The following KCNC2 variants were observed in gnomAD, a reference collection of about 807,000 sequenced individuals.
KCNC2 encodes the protein voltage-gated potassium channel KCNC2.
In KCNC2, 21 loss-of-function variants were observed where a neutral mutation model predicts 44.5. The observed-to-expected ratio is 0.47, with a 90% CI of 0.33 to 0.68. The LOEUF is 0.68. KCNC2 is among the 30% of genes least tolerant of loss of function. The probability of loss-of-function intolerance (pLI) is 0.01; values close to 1 mark genes in which losing one functional copy is unlikely to be tolerated. For missense variants in KCNC2, 589 were observed against 826.2 expected, an observed-to-expected ratio of 0.71 and a Z score of 3.52; for synonymous variants, 391 against 339.1, an observed-to-expected ratio of 1.15 and a Z score of -1.68.
intron 2 of KCNC2, among the ~76,000 whole-genome samples, chr12:75,101,196 G>T (rs1886343033): frequency 1.3e-5 from 2 of 151,992 alleles, no homozygotes; most frequent in South Asian, 4.2e-4. Context: ...TATAACCCAG[G>T]TTCCATATAT....
At chr12:75,126,644 C>T (rs1194537075) in intron 2 of KCNC2, among the ~76,000 whole-genome samples, 2 of 152,068 alleles carry the variant, frequency 1.3e-5, no homozygotes, top group Non-Finnish European at 2.9e-5. Flanking sequence ...AACAACAAGA[C>T]ATTCAGAATC....
intron 2 of KCNC2, among the ~76,000 whole-genome samples, chr12:75,155,317 G>A (rs988421405): frequency 1.3e-5 from 2 of 151,754 alleles, no homozygotes; most frequent in Non-Finnish European, 2.9e-5. Flanking sequence ...ACCTAACTCC[G>A]AGTTAGCTTT....
At chr12:75,117,878 G>A (rs1186738408) in intron 2 of KCNC2, among the ~76,000 whole-genome samples, 2 of 152,006 alleles carry the variant, frequency 1.3e-5, no homozygotes, top group Admixed American at 1.3e-4. Flanking sequence ...ATGAAGTTTG[G>A]GCATTACACA....
chr12:75,074,968 C>T (rs11180356), intron 2 of KCNC2, among the ~76,000 whole-genome samples: 5,709 of 152,072 alleles, frequency 0.038, 148 homozygotes, highest in East Asian at 0.15. Flanking sequence ...AAAGTTTTCC[C>T]GGAATAAAGA....
chr12:75,134,440 A>G (rs1889083139), intron 2 of KCNC2, among the ~76,000 whole-genome samples: 1 of 151,976 alleles, frequency 6.6e-6, no homozygotes, highest in Non-Finnish European at 1.5e-5. Context: ...GTTCAATTGA[A>G]CAGAAATTAT....
chr12:75,092,195 C>T (rs1885542457), intron 2 of KCNC2, among the ~76,000 whole-genome samples: 2 of 151,530 alleles, frequency 1.3e-5, no homozygotes, highest in Admixed American at 6.6e-5. Flanking sequence ...GAACACTGCA[C>T]TTAAGAACAA....
chr12:75,177,576 C>G (rs1037090714), intron 2 of KCNC2, among the ~76,000 whole-genome samples: 2 of 151,968 alleles, frequency 1.3e-5, no homozygotes, highest in African/African-American at 4.8e-5. Context: ...GTGGCCAGTT[C>G]ATTCAATTGT....
intron 2 of KCNC2, among the ~76,000 whole-genome samples, chr12:75,200,156 T>C (rs2031118916): frequency 6.6e-6 from 1 of 151,872 alleles, no homozygotes. Flanking sequence ...TTCCTAACAG[T>C]CTTGCTGCTT....
chr12:75,073,074 T>A (rs1367005140), intron 2 of KCNC2, among the ~76,000 whole-genome samples: 1 of 152,204 alleles, frequency 6.6e-6, no homozygotes, highest in Non-Finnish European at 1.5e-5. Flanking sequence ...CCAGGCTTCA[T>A]AATTCTGCAT....
At chr12:75,099,319 G>T (rs1296995201) in intron 2 of KCNC2, among the ~76,000 whole-genome samples, 1 of 152,080 alleles carries the variant, frequency 6.6e-6, no homozygotes, top group African/African-American at 2.4e-5. Context: ...AAGGGTTTTG[G>T]AGTTGAATTT....
rs577325391 is a variant in KCNC2, at chr12:75,073,815, C to G, written c.688-22498G>C. Among the ~76,000 whole-genome samples the G allele has an allele frequency of 2.0e-5, 3 of 152,100 alleles. No individual in the cohort carries two copies. In the East Asian group the frequency reaches 5.8e-4, roughly 29 times the overall value. Reference sequence around the variant, plus strand: ...GTAGTAATTATCATTCCTATATTGCCATGTCTCTCAATTTATAATTTTTAA... The same window carrying G: ...GTAGTAATTATCATTCCTATATTGCGATGTCTCTCAATTTATAATTTTTAA... On this transcript the variant is annotated intron_variant, in intron 2 of 4. Transcript: ENST00000549446.
At chr12:75,075,366 T>G (rs78861597) in intron 2 of KCNC2, among the ~76,000 whole-genome samples, 4,196 of 151,482 alleles carry the variant, frequency 0.028, 214 homozygotes, top group African/African-American at 0.094. Context: ...AAAATACCCC[T>G]TAAGGAGCTG....
chr12:75,108,359 T>C (rs1037984307), intron 2 of KCNC2, among the ~76,000 whole-genome samples: 8 of 152,182 alleles, frequency 5.3e-5, no homozygotes, highest in African/African-American at 1.9e-4. Flanking sequence ...GCCTAAAGCA[T>C]GTAGGCAAGG....
At chr12:75,084,235 AT>A (rs1884759044) in intron 2 of KCNC2, among the ~76,000 whole-genome samples, 1 of 2,054 alleles carries the variant, frequency 4.9e-4, no homozygotes, top group Non-Finnish European at 1.2e-3. Context: ...ATAGATATAG[AT>A]AGATAGATAG....
chr12:75,124,681 G>T (rs1037878296), intron 2 of KCNC2: 2 of 152,068 alleles, frequency 1.3e-5, no homozygotes, highest in African/African-American at 4.8e-5. Context: ...TAAAAAATTT[G>T]CTTTCTTATT....
chr12:75,061,361 A>G (rs181078876), intron 2 of KCNC2, among the ~76,000 whole-genome samples: 482 of 152,210 alleles, frequency 3.2e-3, no homozygotes, highest in Non-Finnish European at 5.1e-3. Flanking sequence ...GGGTACTGTG[A>G]GAGATGTAAA....
At chr12:75,071,502 C>T (rs1368972881) in intron 2 of KCNC2, among the ~76,000 whole-genome samples, 1 of 152,160 alleles carries the variant, frequency 6.6e-6, no homozygotes, top group African/African-American at 2.4e-5. Context: ...TATCCCTATG[C>T]ATATTATAAG....
At position 75,187,899 on chromosome 12, in the gene KCNC2, A is replaced by G. The variant is rs148873237; in HGVS notation, c.687+19398T>C. On this transcript the variant is annotated intron_variant, in intron 2 of 4. Transcript: ENST00000549446. ...TTTCCTCAGAGTATTGCCTTTGTGT[A>G]TAATTATTTAGTAATAATTAAAAGC... is the stretch of plus-strand genomic sequence containing the variant. Among the ~76,000 whole-genome samples, 788 of 152,328 alleles carry G rather than the reference A, an allele frequency of 5.2e-3. 6 individuals carry two copies. Among genetic ancestry groups the G allele is most frequent in the African/African-American group, 0.018 (760 of 41,568 alleles).
rs1892734736 is a variant in KCNC2, at chr12:75,183,462, G to A, written c.687+23835C>T. Among the ~76,000 whole-genome samples the A allele has an allele frequency of 3.3e-5, 5 of 152,224 alleles. No homozygotes were observed. The South Asian group carries it at 1.0e-3, about 32-fold the overall frequency. ...ACAACAACAAAACAAAAAATATTGT[G>A]CCTAATGAAACAAAATTATCAACCA... On this transcript the variant is annotated intron_variant, in intron 2 of 4. Coordinates refer to ENST00000549446, the MANE Select transcript of KCNC2 (RefSeq NM_139137.4).
Sources: gnomAD v4.1 joint callset for allele counts (sites outside exome capture counted in the v4.1 genomes callset) on GRCh38, gnomAD v4.1.1 for gene constraint, MANE v1.5 for transcripts, NCBI Gene and HGNC (gene_info 2026-07-23, HGNC 2026-07-21) for gene names.